TNFSF15: variants seen among roughly 807,000 people sequenced by gnomAD.
TNFSF15 encodes tumor necrosis factor ligand superfamily member 15.
Under a neutral mutation model 26.4 loss-of-function variants are expected in TNFSF15, and 15 were observed. The observed-to-expected ratio is 0.57, with a 90% confidence interval of 0.38 to 0.87. TNFSF15 has a LOEUF of 0.87. Among genes scored for constraint, TNFSF15 ranks in the 40% least tolerant of loss-of-function variants. The pLI, the probability that TNFSF15 is intolerant of heterozygous loss-of-function variation, is 0.00. For synonymous variants in TNFSF15, 116 were observed against 115.0 expected (o/e 1.01, Z -0.06); for missense variants, 290 against 306.1 (o/e 0.95, Z 0.39).
rs1829539359 is a variant in TNFSF15, at chr9:114,788,405, A to G, written c.*2047T>C. 2 of 153,792 alleles carry G rather than the reference A, an allele frequency of 1.3e-5. No individual in the cohort carries two copies. Among genetic ancestry groups the G allele is most frequent in the Non-Finnish European group, 2.9e-5 (2 of 68,060 alleles). 9.5% of individuals were successfully genotyped at this position (153,792 alleles called of 1,614,324 possible). On this transcript the variant is annotated 3_prime_UTR_variant, in exon 4 of 4. Transcript: ENST00000374045. ...GTTTTGAGAAAGGGAAGGCAAGAAA[A>G]AGGCCTGGCTTAAGTTAGCCTAGCA...
In TNFSF15 at chr9:114,787,717, T is replaced by C. The variant is rs1401400526; in HGVS notation, c.*2735A>G. 2.6e-5 allele frequency: 4 copies of C among 153,772 alleles called. No individual in the cohort carries two copies. Among genetic ancestry groups the C allele is most frequent in the Non-Finnish European group, 5.9e-5 (4 of 68,046 alleles). 9.5% of individuals were successfully genotyped at this position (153,772 alleles called of 1,614,324 possible). ...GAGATAATGCCTTGGGAACAGAAGT[T>C]CTGACATGAGCCCTATTAGGAATGT... On this transcript the variant is annotated 3_prime_UTR_variant, in exon 4 of 4. Coordinates refer to ENST00000374045, the MANE Select transcript of TNFSF15 (RefSeq NM_005118.4).
chr9:114,804,432 T>G (rs1829789884), intron 1 of TNFSF15, among the ~76,000 whole-genome samples: 1 of 152,162 alleles, frequency 6.6e-6, no homozygotes, highest in Non-Finnish European at 1.5e-5. Flanking sequence ...GACCAAGGGC[T>G]CTCAGACATC....
rs1218649342 is a variant in TNFSF15 at position 114,789,125 on chromosome 9, T to C, written c.*1327A>G. On this transcript the variant is annotated 3_prime_UTR_variant, in exon 4 of 4. Coordinates refer to ENST00000374045, the MANE Select transcript of TNFSF15 (RefSeq NM_005118.4). ...TCCCTTCCCCCATGGAATAAGTCCA[T>C]TGTCTCTCAGCATCAAACAAGTTGG... The C allele has an allele frequency of 6.6e-6, 1 of 152,196 alleles. No homozygotes were observed. The highest frequency in any genetic ancestry group is 2.4e-5 in the African/African-American group (1 of 41,446). The allele number at this position is 152,196 out of a possible 1,614,324, so 9.4% of individuals were successfully genotyped here.
In TNFSF15 at chr9:114,806,032, G is replaced by T. The variant is rs746759968; in HGVS notation, c.-20C>A. 2 of 1,610,064 alleles carry T rather than the reference G, an allele frequency of 1.2e-6. No individual in the cohort carries two copies. The highest frequency in any genetic ancestry group is 1.3e-5 in the African/African-American group (1 of 74,964). ...GGCCATGCTCCTGCTGCTCCTGGAGGCACCTCTGACTCCTGGGCAGAGAGA... is the reference window on the plus strand; with the variant it reads ...GGCCATGCTCCTGCTGCTCCTGGAGTCACCTCTGACTCCTGGGCAGAGAGA... On this transcript the variant is annotated 5_prime_UTR_variant, in exon 1 of 4. Coordinates refer to ENST00000374045, the MANE Select transcript of TNFSF15 (RefSeq NM_005118.4).
intron 1 of TNFSF15, among the ~76,000 whole-genome samples, chr9:114,797,042 A>G (rs969964654): frequency 6.6e-6 from 1 of 152,242 alleles, no homozygotes; most frequent in African/African-American, 2.4e-5. Flanking sequence ...AAAGAGAATC[A>G]GAGAGATCTT....
chr9:114,792,539 T>C, intron 2 of TNFSF15, 85 bp from the exon 3 acceptor site: 1 of 1,599,472 alleles, frequency 6.3e-7, no homozygotes, highest in Non-Finnish European at 8.5e-7. Flanking sequence ...ATGGCGCCTA[T>C]GATAGGAGAG....
chr9:114,790,436 G>C lies in TNFSF15; in HGVS notation c.*16C>G. On this transcript the variant is annotated 3_prime_UTR_variant, in exon 4 of 4. Coordinates refer to ENST00000374045, the MANE Select transcript of TNFSF15 (RefSeq NM_005118.4). ...CGGTGGCAGAGGACTTTCATATAATGATATTTGCTCTCCTCCTATAGTAAG... is the reference window on the plus strand; with the variant it reads ...CGGTGGCAGAGGACTTTCATATAATCATATTTGCTCTCCTCCTATAGTAAG... The C allele has an allele frequency of 6.5e-7, 1 of 1,550,076 alleles. No homozygotes were observed. The highest frequency in any genetic ancestry group is 8.7e-7 in the Non-Finnish European group (1 of 1,148,216).
chr9:114,796,231 A>G (rs1310745996), intron 1 of TNFSF15, among the ~76,000 whole-genome samples: 1 of 152,146 alleles, frequency 6.6e-6, no homozygotes, highest in Non-Finnish European at 1.5e-5. Flanking sequence ...AGCCCCTGGC[A>G]GGGTCTTTGT....
intron 1 of TNFSF15, among the ~76,000 whole-genome samples, chr9:114,794,285 C>T (rs141098818): frequency 3.3e-5 from 5 of 152,156 alleles, no homozygotes; most frequent in Non-Finnish European, 7.3e-5. Context: ...ATCAGAAAAT[C>T]TATGAGTTAG....
In TNFSF15 at chr9:114,787,409, G is replaced by A. The variant is rs1360597259; in HGVS notation, c.*3043C>T. The A allele has an allele frequency of 6.6e-6, 1 of 152,200 alleles. No individual in the cohort carries two copies. Among genetic ancestry groups the A allele is most frequent in the African/African-American group, 2.4e-5 (1 of 41,440 alleles). 9.4% of individuals were successfully genotyped at this position (152,200 alleles called of 1,614,324 possible). ...AATCTGCAGACAGTAGAGGTGCTGG[G>A]AAGTTAGAATGAGTGTGTCTGAGAC... On this transcript the variant is annotated 3_prime_UTR_variant, in exon 4 of 4. Coordinates refer to ENST00000374045, the MANE Select transcript of TNFSF15 (RefSeq NM_005118.4).
chr9:114,790,381 A>G lies in TNFSF15; in HGVS notation c.*71T>C. The G allele has an allele frequency of 6.9e-7, 1 of 1,450,138 alleles. No homozygotes were observed. Among genetic ancestry groups the G allele is most frequent in the Non-Finnish European group, 9.3e-7 (1 of 1,074,406 alleles). The allele number at this position is 1,450,138 out of a possible 1,614,324, so 89.8% of individuals were successfully genotyped here. On this transcript the variant is annotated 3_prime_UTR_variant, in exon 4 of 4. Transcript: ENST00000374045. The stretch of plus-strand genomic sequence containing the variant: ...GGCCCCAAGAAAACCCCTGGTTATA[A>G]TTACATTTGAACAAAGAAAATTAGG...
chr9:114,799,489 G>A (rs954851247), intron 1 of TNFSF15, among the ~76,000 whole-genome samples: 10 of 152,130 alleles, frequency 6.6e-5, no homozygotes, highest in Non-Finnish European at 1.3e-4. Flanking sequence ...TAGGAGCTCC[G>A]GGAGGCATCT....
intron 1 of TNFSF15, among the ~76,000 whole-genome samples, chr9:114,794,278 A>G (rs1187641120): frequency 6.6e-6 from 1 of 152,258 alleles, no homozygotes; most frequent in Non-Finnish European, 1.5e-5. Flanking sequence ...AGAGCAAATC[A>G]GAAAATCTAT....
rs779349211 is a variant in TNFSF15 at position 114,790,430 on chromosome 9, TATA to T, written c.*19_*21del. The T allele has an allele frequency of 3.2e-6, 5 of 1,543,712 alleles. No individual in the cohort carries two copies. In the South Asian group the frequency reaches 6.3e-5, roughly 19 times the overall value. The stretch of plus-strand genomic sequence containing the variant: ...GGAACTCGGTGGCAGAGGACTTTCA[TATA>T]ATGATATTTGCTCTCCTCCTATAGT... On this transcript the variant is annotated 3_prime_UTR_variant, in exon 4 of 4. Transcript: ENST00000374045.
chr9:114,800,955 A>G (rs959557307), intron 1 of TNFSF15, among the ~76,000 whole-genome samples: 1 of 152,326 alleles, frequency 6.6e-6, no homozygotes, highest in Admixed American at 6.5e-5. Context: ...GTTCAGGAAT[A>G]AAAGGCAGGA....
chr9:114,801,161 G>C (rs1031434129), intron 1 of TNFSF15, among the ~76,000 whole-genome samples: 1 of 152,220 alleles, frequency 6.6e-6, no homozygotes, highest in Non-Finnish European at 1.5e-5. Flanking sequence ...CCACTGCTGG[G>C]CTTGGGCTGA....
intron 2 of TNFSF15, 147 bp downstream of exon 2, chr9:114,793,379 C>T (rs896622261): frequency 1.9e-5 from 18 of 924,354 alleles, no homozygotes; most frequent in Non-Finnish European, 3.0e-5. Flanking sequence ...TTAGTGCCTG[C>T]AGCAGAGCCT....
rs1829523686 is a variant in TNFSF15, at chr9:114,787,611, C to A, written c.*2841G>T. ...CCAAACCCTGAATACACCCCATTAACCCCTTTTAGGGGAACATCACATGAT... is the reference window on the plus strand; with the variant it reads ...CCAAACCCTGAATACACCCCATTAAACCCTTTTAGGGGAACATCACATGAT... On this transcript the variant is annotated 3_prime_UTR_variant, in exon 4 of 4. Transcript: ENST00000374045. The A allele has an allele frequency of 6.5e-6, 1 of 153,306 alleles. No homozygotes were observed. Among genetic ancestry groups the A allele is most frequent in the South Asian group, 2.1e-4 (1 of 4,830 alleles). 9.5% of individuals were successfully genotyped at this position (153,306 alleles called of 1,614,324 possible).
chr9:114,792,265 ACT>A (rs1415485222), intron 3 of TNFSF15, 140 bp downstream of exon 3: 5 of 779,500 alleles, frequency 6.4e-6, no homozygotes, highest in South Asian at 5.5e-5. Context: ...ACACACACAC[ACT>A]GGAATATTGA....
Sources: gnomAD v4.1 joint callset for allele counts (sites outside exome capture counted in the v4.1 genomes callset) on GRCh38, gnomAD v4.1.1 for gene constraint, MANE v1.5 for transcripts, NCBI Gene and HGNC (gene_info 2026-07-23, HGNC 2026-07-21) for gene names.